FAM13B: variants seen among roughly 807,000 people sequenced by gnomAD.
The protein encoded by FAM13B is family with sequence similarity 13 member B, also known as protein FAM13B.
FAM13B carries 60 observed loss-of-function variants against 117.3 expected under a neutral mutation model. That is an observed-to-expected ratio of 0.51 (90% CI 0.42 to 0.63). The LOEUF (loss-of-function observed/expected upper bound fraction) is 0.63. FAM13B is among the 30% of genes least tolerant of loss of function. FAM13B has a pLI of 0.00. For missense variants in FAM13B, 972 were observed against 1,091.9 expected (o/e 0.89, Z 1.55); for synonymous variants, 332 against 356.1 (o/e 0.93, Z 0.76).
At chr5:137,988,484 G>A (rs1222672323) in intron 7 of FAM13B, among the ~76,000 whole-genome samples, 169 bp from the exon 8 acceptor site, 1 of 152,124 alleles carries the variant, frequency 6.6e-6, no homozygotes, top group Admixed American at 6.5e-5. Context: ...AATCTGGTTG[G>A]TAAAGCTTTC....
intron 1 of FAM13B, among the ~76,000 whole-genome samples, chr5:138,024,928 T>TG (rs1787881218): frequency 6.6e-6 from 1 of 151,502 alleles, no homozygotes; most frequent in South Asian, 2.1e-4. Flanking sequence ...TAGAGTGCAG[T>TG]GGCATGATCT....
chr5:138,024,575 A>G (rs1305351426), intron 1 of FAM13B, among the ~76,000 whole-genome samples: 2 of 44,426 alleles, frequency 4.5e-5, no homozygotes, highest in Non-Finnish European at 1.0e-4. Context: ...ACAATATTAC[A>G]TTCTAAAAAA....
At chr5:137,974,699 A>T in intron 10 of FAM13B, among the ~76,000 whole-genome samples, 1 of 150,636 alleles carries the variant, frequency 6.6e-6, no homozygotes, top group Admixed American at 6.6e-5. Context: ...TGTTTTCCTT[A>T]CACTGCAAGT....
In FAM13B at chr5:138,006,098, C is replaced by T. The variant is rs531258907; in HGVS notation, c.848+892G>A. Reference sequence around the variant, plus strand: ...ATTTTTAGTAGAGACGGGGTTTCACCGTGTTAGCCAGGATGGTCTCGATCT... The same window carrying T: ...ATTTTTAGTAGAGACGGGGTTTCACTGTGTTAGCCAGGATGGTCTCGATCT... On this transcript the variant is annotated intron_variant, in intron 7 of 23. Coordinates refer to ENST00000689681, the MANE Select transcript of FAM13B (RefSeq NM_001385994.1). Among the ~76,000 whole-genome samples, 124 of 152,138 alleles carry T rather than the reference C, an allele frequency of 8.2e-4. 1 individual carries two copies. Among genetic ancestry groups the T allele is most frequent in the Middle Eastern group, 6.8e-3 (2 of 294 alleles).
chr5:138,047,034 G>A (rs1476778866), intron 1 of FAM13B, among the ~76,000 whole-genome samples: 3 of 151,702 alleles, frequency 2.0e-5, no homozygotes, highest in Non-Finnish European at 2.9e-5. Flanking sequence ...GTGAGCCACC[G>A]TGCCCAGCCA....
At chr5:138,009,888 C>A (rs952234909) in intron 6 of FAM13B, among the ~76,000 whole-genome samples, 1 of 150,220 alleles carries the variant, frequency 6.7e-6, no homozygotes, top group Non-Finnish European at 1.5e-5. Flanking sequence ...AGCAAAATAT[C>A]AAAAAAAATT....
chr5:138,038,378 G>GA (rs1450901900), intron 1 of FAM13B, among the ~76,000 whole-genome samples: 1 of 152,092 alleles, frequency 6.6e-6, no homozygotes, highest in African/African-American at 2.4e-5. Flanking sequence ...TGTGTGCAGG[G>GA]AAAAACAAGT....
Position 138,026,050 on chromosome 5 carries a change from T to C in FAM13B, c.-202-4853A>G, listed in dbSNP as rs994619795. Among the ~76,000 whole-genome samples, 7 of 152,204 alleles carry C rather than the reference T, an allele frequency of 4.6e-5. 1 individual carries two copies. Among genetic ancestry groups the C allele is most frequent in the Admixed American group, 1.3e-4 (2 of 15,276 alleles). Reference sequence around the variant, plus strand: ...CCAATATCAATACTATAGATAATAATAGCAGACAGCATTTGCTGAGCTCTT... The same window carrying C: ...CCAATATCAATACTATAGATAATAACAGCAGACAGCATTTGCTGAGCTCTT... On this transcript the variant is annotated intron_variant, in intron 1 of 23. Coordinates refer to ENST00000689681, the MANE Select transcript of FAM13B (RefSeq NM_001385994.1).
intron 20 of FAM13B, among the ~76,000 whole-genome samples, chr5:137,945,319 G>A (rs1437442018): frequency 1.3e-5 from 2 of 152,030 alleles, no homozygotes; most frequent in African/African-American, 4.8e-5. Flanking sequence ...GGTTAATTTG[G>A]GGACAGCACT....
At chr5:138,033,102 C>G, upstream of FAM13B, 1 of 603,108 alleles carries the variant, frequency 1.7e-6, no homozygotes, top group Non-Finnish European at 2.0e-6. Flanking sequence ...CCGGGCCGGA[C>G]GTGACGTGCG....
chr5:137,987,485 C>A lies in FAM13B; in HGVS notation c.1022G>T (p.Cys341Phe), dbSNP rs1471627316. 2 of 1,612,156 alleles carry A rather than the reference C, an allele frequency of 1.2e-6. No homozygotes were observed. Among genetic ancestry groups the A allele is most frequent in the East Asian group, 2.2e-5 (1 of 44,776 alleles). The change falls in exon 9 of 24, where the codon TGT becomes TTT. Residue 341 changes from cysteine (C) to phenylalanine (F), a missense_variant. Cys to Phe is a radical substitution (Grantham distance 205). Coordinates refer to ENST00000689681, the MANE Select transcript of FAM13B (RefSeq NM_001385994.1). ...CTGGTTATTAGATCCTTCCCCATCACAATGAATACTTTCTGCTTCATTATT... is the reference window on the plus strand; with the variant it reads ...CTGGTTATTAGATCCTTCCCCATCAAAATGAATACTTTCTGCTTCATTATT... ...VCNNEAESIH[C>F]DGEGSNNQID...
At chr5:137,963,444 T>C (rs1456816338) in intron 10 of FAM13B, among the ~76,000 whole-genome samples, 2 of 152,256 alleles carry the variant, frequency 1.3e-5, no homozygotes, top group Non-Finnish European at 2.9e-5. Flanking sequence ...ATAAATGAGT[T>C]TGTTAAATTA....
rs1777525904 is a variant in FAM13B at position 137,987,453 on chromosome 5, TTTC to T, written c.1046+5_1046+7del. The T allele has an allele frequency of 6.2e-7, 1 of 1,600,460 alleles. No individual in the cohort carries two copies. The highest frequency in any genetic ancestry group is 1.7e-5 in the Admixed American group (1 of 58,090). On this transcript the variant is annotated splice_donor_5th_base_variant and intron_variant, in intron 9 of 23. Coordinates refer to ENST00000689681, the MANE Select transcript of FAM13B (RefSeq NM_001385994.1). ...ACATTTAATAAACAACAGTAAAATG[TTTC>T]TTACTGGTTATTAGATCCTTCCCCA... is the stretch of plus-strand genomic sequence containing the variant.
chr5:138,024,369 A>C (rs1049234297), intron 1 of FAM13B, among the ~76,000 whole-genome samples: 4 of 152,102 alleles, frequency 2.6e-5, no homozygotes, highest in African/African-American at 4.8e-5. Flanking sequence ...TGCTGCCAGA[A>C]GCCAAGAAAT....
At position 137,945,979 on chromosome 5, in the gene FAM13B, G is replaced by A. The variant is rs1299522591; in HGVS notation, c.2263C>T (p.His755Tyr). ...HGRPVTKEERHIVKPLYDRYR... is the reference protein window; with the variant it reads ...HGRPVTKEERYIVKPLYDRYR... ...CTATCATAGAGAGGTTTAACAATGT[G>A]CCTTTCTTCCTTGGTCACCTGAAGC... Residue 755 changes from histidine to tyrosine, a missense_variant, in exon 20 of 24, where the codon CAC becomes TAC. Physicochemically the swap from His to Tyr is moderately conservative, Grantham distance 83. Coordinates refer to ENST00000689681, the MANE Select transcript of FAM13B (RefSeq NM_001385994.1). The A allele has an allele frequency of 2.5e-6, 4 of 1,612,586 alleles. No individual in the cohort carries two copies. The East Asian group carries it at 6.7e-5, about 27-fold the overall frequency.
chr5:137,946,399 C>T (rs916782194), intron 18 of FAM13B, 88 bp from the exon 19 acceptor site: 3 of 798,614 alleles, frequency 3.8e-6, no homozygotes, highest in Non-Finnish European at 6.0e-6. Flanking sequence ...ATTCTCCTCA[C>T]TCCCACAATG....
At chr5:137,996,716 C>T (rs1194418564) in intron 7 of FAM13B, among the ~76,000 whole-genome samples, 2 of 152,024 alleles carry the variant, frequency 1.3e-5, no homozygotes, top group Non-Finnish European at 2.9e-5. Flanking sequence ...CTCACCCTCC[C>T]GAGTAGCTGG....
intron 1 of FAM13B, among the ~76,000 whole-genome samples, chr5:138,048,801 T>G (rs1791713226): frequency 6.6e-6 from 1 of 152,218 alleles, no homozygotes; most frequent in Non-Finnish European, 1.5e-5. Context: ...TCACAATATT[T>G]TTAAAAGTAT....
Position 137,956,506 on chromosome 5 carries a change from T to A in FAM13B, c.1478A>T (p.Lys493Ile). The A allele has an allele frequency of 1.2e-6, 2 of 1,601,700 alleles. No homozygotes were observed. The highest frequency in any genetic ancestry group is 1.7e-6 in the Non-Finnish European group (2 of 1,173,706). ...CPITFPLIDF[K>I]TMHLQRDGEE... ...CCCATCTCTCTGCAGATGCATTGTT[T>A]TGAAATCAATGAGGGGAAAAGTGAT... Residue 493 changes from lysine (K) to isoleucine (I), a missense_variant, in exon 14 of 24, where the codon AAA (lysine) becomes ATA (isoleucine). Physicochemically the swap from Lys to Ile is moderately radical, Grantham distance 102. Coordinates refer to ENST00000689681, the MANE Select transcript of FAM13B (RefSeq NM_001385994.1).
Sources: allele counts gnomAD v4.1 joint callset (sites outside exome capture counted in the v4.1 genomes callset), GRCh38; gene constraint gnomAD v4.1.1; transcripts MANE v1.5; gene names NCBI Gene and HGNC (gene_info 2026-07-23, HGNC 2026-07-21).